DNAH3: variants seen among roughly 807,000 people sequenced by gnomAD.
DNAH3 encodes dynein axonemal heavy chain 3.
In DNAH3, 332 loss-of-function variants were observed where a neutral mutation model predicts 432.5. The observed-to-expected ratio is 0.77, with a 90% CI of 0.70 to 0.84. The LOEUF (loss-of-function observed/expected upper bound fraction) is 0.84, where lower values mean the gene tolerates loss of function less well. DNAH3 is among the 40% of genes least tolerant of loss of function. DNAH3 has a pLI of 0.00. For missense variants in DNAH3, 4,861 were observed against 5,114.0 expected, an observed-to-expected ratio of 0.95 and a Z score of 1.51; for synonymous variants, 1,956 against 1,900.2, an observed-to-expected ratio of 1.03 and a Z score of -0.76.
intron 57 of DNAH3, among the ~76,000 whole-genome samples, chr16:20,945,142 T>C (rs909447438): frequency 6.6e-6 from 1 of 152,186 alleles, no homozygotes; most frequent in African/African-American, 2.4e-5. Flanking sequence ...ATAAAACAGG[T>C]TGTGGTAAAG....
chr16:21,152,697 A>G (rs2031083), intron 1 of DNAH3, among the ~76,000 whole-genome samples: 72,359 of 152,156 alleles, frequency 0.48, 17,736 homozygotes, highest in East Asian at 0.68. Context: ...GGGAGCAGCC[A>G]GCTGGCCCTG....
intron 47 of DNAH3, among the ~76,000 whole-genome samples, chr16:20,986,681 C>T (rs2086215573): frequency 6.6e-6 from 1 of 152,104 alleles, no homozygotes; most frequent in African/African-American, 2.4e-5. Context: ...GAAGTATAGA[C>T]ACTATCCTGG....
chr16:21,095,542 G>A (rs1289041428), intron 18 of DNAH3, among the ~76,000 whole-genome samples: 1 of 152,098 alleles, frequency 6.6e-6, no homozygotes, highest in Non-Finnish European at 1.5e-5. Flanking sequence ...GGTTACAACT[G>A]GGGGGAGGAT....
At chr16:20,976,893 T>A (rs1292204823) in intron 50 of DNAH3, among the ~76,000 whole-genome samples, 2 of 152,212 alleles carry the variant, frequency 1.3e-5, no homozygotes, top group Non-Finnish European at 2.9e-5. Flanking sequence ...TCCAGAACTA[T>A]GAGAAGTAAA....
chr16:21,153,459 T>C (rs566247416), intron 1 of DNAH3, among the ~76,000 whole-genome samples: 17 of 152,304 alleles, frequency 1.1e-4, no homozygotes, highest in Non-Finnish European at 2.4e-4. Context: ...ATCAGCACCC[T>C]GTCAAAACAG....
At chr16:21,108,576 C>T (rs926207804) in intron 14 of DNAH3, among the ~76,000 whole-genome samples, 2 of 151,936 alleles carry the variant, frequency 1.3e-5, no homozygotes, top group Non-Finnish European at 2.9e-5. Flanking sequence ...AACTCCATCA[C>T]TACAAAAAAT....
chr16:20,989,682 G>A lies in DNAH3; in HGVS notation c.6602-1617C>T, dbSNP rs567535521. Among the ~76,000 whole-genome samples the A allele has an allele frequency of 4.1e-3, 625 of 152,370 alleles. 8 individuals carry two copies. Among genetic ancestry groups the A allele is most frequent in the African/African-American group, 0.014 (594 of 41,598 alleles). ...TGGGTGGTCGATGGGACTGGGCGCCGTGGAGCAGGGGGTGGTGCTCGTCGG... is the reference window on the plus strand; with the variant it reads ...TGGGTGGTCGATGGGACTGGGCGCCATGGAGCAGGGGGTGGTGCTCGTCGG... On this transcript the variant is annotated intron_variant, in intron 44 of 61. Coordinates refer to ENST00000261383, the Ensembl canonical transcript of DNAH3.
chr16:20,954,844 A>G (rs754732900), exon 55 of DNAH3: 1 of 1,614,146 alleles, frequency 6.2e-7, no homozygotes, highest in Non-Finnish European at 8.5e-7. Context: ...TCTCTTGAAC[A>G]ACGGCGTGGA....
chr16:21,023,786 G>GGTGTGTGT (rs3220045), intron 39 of DNAH3, among the ~76,000 whole-genome samples: 3,385 of 146,452 alleles, frequency 0.023, 66 homozygotes, highest in Admixed American at 0.059. Flanking sequence ...CAGCTTTTGG[G>GGTGTGTGT]GTGTGTGTGT....
chr16:21,070,161 G>T (rs1259764675), intron 22 of DNAH3, among the ~76,000 whole-genome samples: 3 of 152,164 alleles, frequency 2.0e-5, no homozygotes, highest in African/African-American at 7.2e-5. Flanking sequence ...CTTCCCAAAT[G>T]CATGTGTATT....
chr16:20,944,603 G>A, exon 58 of DNAH3: 1 of 1,614,140 alleles, frequency 6.2e-7, no homozygotes, highest in Non-Finnish European at 8.5e-7. Context: ...GCGTTCTCAT[G>A]GAGGCCGAAC....
chr16:21,074,227 G>A (rs554778938), intron 21 of DNAH3, among the ~76,000 whole-genome samples: 68 of 152,254 alleles, frequency 4.5e-4, no homozygotes, highest in African/African-American at 4.8e-4. Context: ...TAGATAACAT[G>A]CAGCCTGGGG....
intron 14 of DNAH3, 86 bp from the exon 15 acceptor site, chr16:21,106,760 C>A: frequency 2.7e-6 from 3 of 1,127,032 alleles, no homozygotes; most frequent in South Asian, 6.3e-5. Context: ...ACTCCATGTT[C>A]AAAATACATA....
At chr16:20,982,846 C>T (rs1380013204) in exon 49 of DNAH3, 1 of 1,614,186 alleles carries the variant, frequency 6.2e-7, no homozygotes, top group Non-Finnish European at 8.5e-7. Flanking sequence ...AAGGGAACAT[C>T]CGCAGGCGGT....
At chr16:21,082,206 A>G (rs1228945899) in intron 19 of DNAH3, among the ~76,000 whole-genome samples, 1 of 151,770 alleles carries the variant, frequency 6.6e-6, no homozygotes, top group African/African-American at 2.4e-5. Flanking sequence ...AGCTAATTTT[A>G]ATTAGACAGG....
intron 52 of DNAH3, among the ~76,000 whole-genome samples, chr16:20,969,019 T>TA (rs2085192841): frequency 6.6e-6 from 1 of 152,104 alleles, no homozygotes; most frequent in East Asian, 1.9e-4. Context: ...CTTCATGTCT[T>TA]ACTCTCTCCT....
chr16:21,147,894 T>C (rs1238015287), intron 1 of DNAH3, among the ~76,000 whole-genome samples: 1 of 152,236 alleles, frequency 6.6e-6, no homozygotes, highest in African/African-American at 2.4e-5. Context: ...AACTGCAACT[T>C]GTTCCAACAC....
At chr16:21,081,725 G>C in exon 20 of DNAH3, 1 of 1,613,188 alleles carries the variant, frequency 6.2e-7, no homozygotes. Context: ...CAATCTCACT[G>C]ATCTGCAAAG....
intron 31 of DNAH3, among the ~76,000 whole-genome samples, chr16:21,045,372 G>C (rs2089646864): frequency 6.7e-6 from 1 of 149,838 alleles, no homozygotes; most frequent in South Asian, 2.1e-4. Flanking sequence ...GGTCTATTCA[G>C]AGATTCAACT....
Sources: gnomAD v4.1 joint callset for allele counts (sites outside exome capture counted in the v4.1 genomes callset) on GRCh38, gnomAD v4.1.1 for gene constraint, MANE v1.5 for transcripts, NCBI Gene and HGNC (gene_info 2026-07-23, HGNC 2026-07-21) for gene names.